Variants in ANK3 observed in about 807,000 individuals in gnomAD.
ANK3 encodes the protein ankyrin 3.
A neutral mutation model predicts 370.9 loss-of-function variants in ANK3; 57 were observed. The observed-to-expected ratio is 0.15, with a 90% confidence interval of 0.12 to 0.19. ANK3 has a LOEUF of 0.19. ANK3 is among the 10% of genes least tolerant of loss of function. The probability of loss-of-function intolerance (pLI) is 1.00; values close to 1 mark genes in which losing one functional copy is unlikely to be tolerated. For missense variants in ANK3, 4,439 were observed against 5,302.1 expected, an observed-to-expected ratio of 0.84 and a Z score of 5.06; for synonymous variants, 1,929 against 1,946.3, an observed-to-expected ratio of 0.99 and a Z score of 0.23.
intron 35 of ANK3, among the ~76,000 whole-genome samples, chr10:60,081,110 G>A (rs936134746): frequency 2.0e-5 from 3 of 152,002 alleles, no homozygotes; most frequent in Non-Finnish European, 4.4e-5. Flanking sequence ...GGGTAGGGAC[G>A]GAGTCTTGCT....
rs563201260 is a variant in ANK3, at chr10:60,240,911, A to C, written c.799-6125T>G. 9.8e-5 allele frequency among the ~76,000 whole-genome samples: 15 copies of C among 152,312 alleles called. No individual in the cohort carries two copies. In the South Asian group the frequency reaches 1.7e-3, roughly 17 times the overall value. Reference sequence around the variant, plus strand: ...TGGTGAGATATTAATCCAAACGTTAACAATTTCTTTCAGTAATGAGATTAT... The same window carrying C: ...TGGTGAGATATTAATCCAAACGTTACCAATTTCTTTCAGTAATGAGATTAT... On this transcript the variant is annotated intron_variant, in intron 7 of 43. Transcript: ENST00000280772.
chr10:60,429,229 C>T (rs920215295), intron 2 of ANK3, among the ~76,000 whole-genome samples: 2 of 152,156 alleles, frequency 1.3e-5, no homozygotes, highest in Non-Finnish European at 2.9e-5. Flanking sequence ...TGTTGAGTCA[C>T]TTATAAATAA....
intron 2 of ANK3, among the ~76,000 whole-genome samples, chr10:60,465,053 GC>G (rs754383816): frequency 5.3e-5 from 8 of 152,104 alleles, no homozygotes; most frequent in Non-Finnish European, 1.0e-4. Context: ...AATCACTTGA[GC>G]CCAGGAGTTC....
intron 1 of ANK3, among the ~76,000 whole-genome samples, chr10:60,624,867 G>C (rs1417112822): frequency 6.6e-6 from 1 of 152,138 alleles, no homozygotes; most frequent in Admixed American, 6.6e-5. Flanking sequence ...TAAATGGTTA[G>C]TAAATGAAAG....
intron 1 of ANK3, among the ~76,000 whole-genome samples, chr10:60,689,907 G>A (rs909866771): frequency 1.2e-4 from 18 of 152,178 alleles, no homozygotes; most frequent in Middle Eastern, 3.4e-3. Context: ...TATGATGTTT[G>A]AAACATATTA....
intron 25 of ANK3, among the ~76,000 whole-genome samples, chr10:60,128,869 G>C (rs1287992746): frequency 6.6e-6 from 1 of 152,178 alleles, no homozygotes; most frequent in Non-Finnish European, 1.5e-5. Context: ...CTAGTGAATA[G>C]CATTCCATTT....
At chr10:60,309,922 CTT>C (rs71015785) in intron 1 of ANK3, among the ~76,000 whole-genome samples, 20 of 134,222 alleles carry the variant, frequency 1.5e-4, no homozygotes, top group South Asian at 2.4e-4. Context: ...TTTCTTTTTT[CTT>C]TTTTTTTTTT....
intron 23 of ANK3, among the ~76,000 whole-genome samples, chr10:60,155,649 C>T (rs1426850157): frequency 1.3e-5 from 2 of 152,156 alleles, no homozygotes; most frequent in Admixed American, 6.5e-5. Flanking sequence ...AGGAGATTAA[C>T]ATTTGAGTCA....
At chr10:60,396,585 G>C (rs2063245234) in intron 2 of ANK3, among the ~76,000 whole-genome samples, 2 of 152,110 alleles carry the variant, frequency 1.3e-5, no homozygotes, top group Admixed American at 1.3e-4. Flanking sequence ...TAACCACTGA[G>C]TAATGAAATA....
intron 2 of ANK3, among the ~76,000 whole-genome samples, chr10:60,399,334 T>C (rs1424742243): frequency 6.6e-6 from 1 of 152,156 alleles, no homozygotes; most frequent in African/African-American, 2.4e-5. Context: ...AGTGAATACA[T>C]TGTCCTTTAA....
At chr10:60,082,796 T>C in intron 33 of ANK3, 59 bp from the exon 34 acceptor site, 1 of 1,553,988 alleles carries the variant, frequency 6.4e-7, no homozygotes, top group Non-Finnish European at 8.7e-7. Flanking sequence ...GATTTTTAAC[T>C]GTATAAGAGT....
intron 1 of ANK3, among the ~76,000 whole-genome samples, chr10:60,690,260 C>T (rs948087348): frequency 1.8e-4 from 27 of 152,122 alleles, no homozygotes; most frequent in South Asian, 4.2e-4. Flanking sequence ...CCAAGGAGGG[C>T]GAGCTGAAGC....
intron 23 of ANK3, among the ~76,000 whole-genome samples, chr10:60,149,411 A>T (rs2094983300): frequency 6.6e-6 from 1 of 152,218 alleles, no homozygotes; most frequent in African/African-American, 2.4e-5. Context: ...GGTAGATGGA[A>T]GGGACAGACC....
intron 1 of ANK3, among the ~76,000 whole-genome samples, chr10:60,666,637 TAA>T (rs2078999624): frequency 2.6e-5 from 4 of 152,090 alleles, no homozygotes; most frequent in African/African-American, 7.2e-5. Flanking sequence ...GTAGAAAACT[TAA>T]GAGAGAAAAA....
At chr10:60,699,767 A>G (rs768588850) in intron 1 of ANK3, among the ~76,000 whole-genome samples, 2 of 152,142 alleles carry the variant, frequency 1.3e-5, no homozygotes, top group Non-Finnish European at 2.9e-5. Context: ...TTTAATGATG[A>G]CCAGAGGTCT....
At chr10:60,719,455 C>G (rs1440517428) in intron 1 of ANK3, among the ~76,000 whole-genome samples, 1 of 152,034 alleles carries the variant, frequency 6.6e-6, no homozygotes, top group African/African-American at 2.4e-5. Flanking sequence ...AAAGTTGTAC[C>G]AATTGATGCT....
intron 2 of ANK3, among the ~76,000 whole-genome samples, chr10:60,590,590 T>A (rs910903285): frequency 1.3e-5 from 2 of 152,232 alleles, no homozygotes; most frequent in African/African-American, 4.8e-5. Context: ...AATGGTTATA[T>A]ATATCTGCAG....
chr10:60,417,275 C>T (rs367712821), intron 2 of ANK3, among the ~76,000 whole-genome samples: 1 of 152,110 alleles, frequency 6.6e-6, no homozygotes, highest in East Asian at 1.9e-4. Context: ...ATCATTAGGC[C>T]ATGATCCAGG....
intron 1 of ANK3, chr10:60,685,097 T>C (rs1451747203): frequency 7.1e-6 from 8 of 1,128,996 alleles, no homozygotes; most frequent in Admixed American, 2.1e-5. Context: ...ACCTATTATA[T>C]CTGTGTGGAG....
Sources: allele counts gnomAD v4.1 joint callset (sites outside exome capture counted in the v4.1 genomes callset), GRCh38; gene constraint gnomAD v4.1.1; transcripts MANE v1.5; gene names NCBI Gene and HGNC (gene_info 2026-07-23, HGNC 2026-07-21).